TADA2A: variants seen among roughly 807,000 people sequenced by gnomAD.
The protein encoded by TADA2A is transcriptional adapter 2-alpha.
In TADA2A, 38 loss-of-function variants were observed where a neutral mutation model predicts 67.4. That is an observed-to-expected ratio of 0.56 (90% CI 0.44 to 0.74). The LOEUF is 0.74. Ranked by LOEUF, TADA2A falls within the 30% of genes least tolerant of loss-of-function variation. TADA2A has a pLI of 0.00. For missense variants in TADA2A, 454 were observed against 547.0 expected (o/e 0.83, Z 1.70); for synonymous variants, 192 against 181.6 (o/e 1.06, Z -0.46).
intron 5 of TADA2A, among the ~76,000 whole-genome samples, chr17:37,439,646 GTAACAATATCCATACCACAAAT>G (rs2052838160): frequency 6.6e-6 from 1 of 152,042 alleles, no homozygotes. Context: ...AATTGAGATA[GTAACAATATCCATACCACAAAT>G]TTGATACTAG....
intron 3 of TADA2A, chr17:37,426,708 G>A (rs1351145680): frequency 3.0e-6 from 1 of 338,076 alleles, no homozygotes; most frequent in Non-Finnish European, 5.3e-6. Context: ...GAAGTGGTGT[G>A]GTGGCCCACA....
intron 7 of TADA2A, among the ~76,000 whole-genome samples, chr17:37,444,454 G>T (rs531429494): frequency 6.6e-6 from 1 of 152,182 alleles, no homozygotes; most frequent in East Asian, 1.9e-4. Context: ...AGTATGTTTA[G>T]CTTCATTCCT....
intron 8 of TADA2A, among the ~76,000 whole-genome samples, chr17:37,453,187 A>G (rs1428963248): frequency 6.6e-6 from 1 of 152,176 alleles, no homozygotes; most frequent in Non-Finnish European, 1.5e-5. Context: ...AGAGAGAGAG[A>G]AAAGAAAAAG....
intron 12 of TADA2A, among the ~76,000 whole-genome samples, chr17:37,470,042 A>T (rs892366218): frequency 2.0e-5 from 3 of 152,292 alleles, no homozygotes; most frequent in South Asian, 4.1e-4. Context: ...ACTTTGAAAA[A>T]ATTTATAAAA....
rs571117058 is a variant in TADA2A at position 37,422,054 on chromosome 17, T to G, written c.26-1455T>G. 5.2e-5 allele frequency among the ~76,000 whole-genome samples: 7 copies of G among 135,654 alleles called. 2 individuals are homozygous for G. In the South Asian group the frequency reaches 9.7e-4, roughly 19 times the overall value. 89.0% of individuals were successfully genotyped at this position (135,654 alleles called of 152,430 possible). ...CCGCCATGCTTGGCTAATTTTTTTGTTTTTTTTTTGAGACAGAGTAAGACT... is the reference window on the plus strand; with the variant it reads ...CCGCCATGCTTGGCTAATTTTTTTGGTTTTTTTTTGAGACAGAGTAAGACT... On this transcript the variant is annotated intron_variant, in intron 2 of 15. Transcript: ENST00000615182.
intron 10 of TADA2A, among the ~76,000 whole-genome samples, chr17:37,463,872 G>C (rs766268237): frequency 3.9e-5 from 6 of 151,984 alleles, no homozygotes; most frequent in Non-Finnish European, 5.9e-5. Flanking sequence ...AGAATCGCTT[G>C]AACCCGGGAG....
chr17:37,420,014 C>A (rs1202505098), intron 2 of TADA2A, among the ~76,000 whole-genome samples: 8 of 134,676 alleles, frequency 5.9e-5, no homozygotes, highest in East Asian at 2.5e-4. Flanking sequence ...GACTCCGTCT[C>A]AAAAAAAAAA....
At position 37,423,582 on chromosome 17, in the gene TADA2A, A is replaced by G; in HGVS notation, c.99A>G (p.Glu33=). 1 of 1,613,316 alleles carries G rather than the reference A, an allele frequency of 6.2e-7. No individual in the cohort carries two copies. Among genetic ancestry groups the G allele is most frequent in the African/African-American group, 1.3e-5 (1 of 74,950 alleles). The change falls in exon 3 of 16, where the codon GAA becomes GAG. Residue 33 remains glutamate (E), a synonymous_variant. Transcript: ENST00000615182. The stretch of plus-strand genomic sequence containing the variant: ...TGGAGCCTTATATCAAGTGTGCTGA[A>G]TGTGGGCCACCTCCTTTTTTCCTCT... The part of the protein sequence containing the change: ...YLMEPYIKCA[E]CGPPPFFLCL...
intron 7 of TADA2A, 131 bp from the exon 8 acceptor site, chr17:37,444,565 T>G: frequency 1.3e-6 from 1 of 754,756 alleles, no homozygotes. Context: ...TGTGGCCTTT[T>G]GCCATATTTA....
At chr17:37,415,461 G>A (rs189936082) in intron 2 of TADA2A, among the ~76,000 whole-genome samples, 15 of 152,248 alleles carry the variant, frequency 9.9e-5, no homozygotes, top group Non-Finnish European at 1.9e-4. Context: ...CCTTGGATGT[G>A]TGTATTTTTG....
At chr17:37,423,111 G>A (rs139859664) in intron 2 of TADA2A, among the ~76,000 whole-genome samples, 15 of 152,232 alleles carry the variant, frequency 9.9e-5, no homozygotes, top group African/African-American at 3.6e-4. Flanking sequence ...TGTGCCTGTA[G>A]TCCTAACTAC....
At chr17:37,424,186 A>G (rs1015422040) in intron 3 of TADA2A, among the ~76,000 whole-genome samples, 1 of 152,002 alleles carries the variant, frequency 6.6e-6, no homozygotes, top group African/African-American at 2.4e-5. Flanking sequence ...TAGTCCTAGC[A>G]CTTTTGGAGG....
intron 2 of TADA2A, among the ~76,000 whole-genome samples, chr17:37,412,063 T>C (rs1425838737): frequency 6.6e-6 from 1 of 151,070 alleles, no homozygotes; most frequent in African/African-American, 2.4e-5. Context: ...TAAAAAAAAT[T>C]AGCCAGGCAT....
At chr17:37,432,150 C>G (rs1291728384) in intron 4 of TADA2A, among the ~76,000 whole-genome samples, 5 of 150,552 alleles carry the variant, frequency 3.3e-5, no homozygotes, top group Non-Finnish European at 5.9e-5. Flanking sequence ...GTTTCTTTCA[C>G]TCAGCTTTTT....
At chr17:37,468,732 A>G (rs1263017296) in intron 12 of TADA2A, among the ~76,000 whole-genome samples, 1 of 142,704 alleles carries the variant, frequency 7.0e-6, no homozygotes, top group East Asian at 2.0e-4. Context: ...GAGATACTGC[A>G]TATAAGCATA....
chr17:37,435,343 C>G (rs937758003), intron 4 of TADA2A, among the ~76,000 whole-genome samples: 1 of 152,212 alleles, frequency 6.6e-6, no homozygotes, highest in African/African-American at 2.4e-5. Context: ...GGCTGGAGTG[C>G]AGTGGCGCCA....
chr17:37,417,910 G>A (rs2147911790), intron 2 of TADA2A, among the ~76,000 whole-genome samples: 1 of 151,994 alleles, frequency 6.6e-6, no homozygotes, highest in East Asian at 1.9e-4. Flanking sequence ...AGTAATCTAT[G>A]GTAAAACAAT....
intron 9 of TADA2A, among the ~76,000 whole-genome samples, chr17:37,460,993 G>A (rs922853602): frequency 6.6e-6 from 1 of 151,958 alleles, no homozygotes; most frequent in South Asian, 2.1e-4. Context: ...AAAAAAAAGG[G>A]ACTTGAGATT....
At position 37,408,875 on chromosome 17, in the gene TADA2A, C is replaced by CA. The variant is rs1240492759; in HGVS notation, c.-98+1927dup. ...GAAAGTTCTTTGATGGCAGCGTTAGCAGAAATGTTGCCCACACTTAGTGAT... is the reference window on the plus strand; with the variant it reads ...GAAAGTTCTTTGATGGCAGCGTTAGCAAGAAATGTTGCCCACACTTAGTGAT... On this transcript the variant is annotated intron_variant, in intron 1 of 15. Coordinates refer to ENST00000615182, the MANE Select transcript of TADA2A (RefSeq NM_001166105.3). Among the ~76,000 whole-genome samples the CA allele has an allele frequency of 3.9e-5, 6 of 152,232 alleles. No individual in the cohort carries two copies. In the East Asian group the frequency reaches 1.2e-3, roughly 29 times the overall value.
Sources: allele counts gnomAD v4.1 joint callset (sites outside exome capture counted in the v4.1 genomes callset), GRCh38; gene constraint gnomAD v4.1.1; transcripts MANE v1.5; gene names NCBI Gene and HGNC (gene_info 2026-07-23, HGNC 2026-07-21).